Variants in BCAN observed in about 807,000 individuals in gnomAD.
BCAN encodes the protein brevican core protein.
A neutral mutation model predicts 92.4 loss-of-function variants in BCAN; 51 were observed. That is an observed-to-expected ratio of 0.55 (90% confidence interval 0.44 to 0.70). The LOEUF (loss-of-function observed/expected upper bound fraction) is 0.70, where lower values mean the gene tolerates loss of function less well. Ranked by LOEUF, BCAN falls within the 30% of genes least tolerant of loss-of-function variation. The pLI is 0.00. For missense variants in BCAN, 1,140 were observed against 1,212.1 expected, an observed-to-expected ratio of 0.94 and a Z score of 0.88; for synonymous variants, 501 against 505.2, an observed-to-expected ratio of 0.99 and a Z score of 0.11.
At position 156,656,409 on chromosome 1, in the gene BCAN, G is replaced by A. The variant is rs778246595; in HGVS notation, c.2050+20G>A. 66 of 1,341,826 alleles carry A rather than the reference G, an allele frequency of 4.9e-5. No individual in the cohort carries two copies. Among genetic ancestry groups the A allele is most frequent in the Non-Finnish European group, 6.0e-5 (62 of 1,037,884 alleles). The allele number at this position is 1,341,826 out of a possible 1,614,324, so 83.1% of individuals were successfully genotyped here. A position where few individuals can be genotyped will look rare whatever the true frequency, so the allele number is the denominator to read the frequency against. ...ATGTTGGTGAGTGTTGAGGGACGGG[G>A]GGCAGGTTTGAAGCCTGGACCCTGC... On this transcript the variant is annotated intron_variant, in intron 9 of 13. Coordinates refer to ENST00000329117, the MANE Select transcript of BCAN (RefSeq NM_021948.5).
intron 10 of BCAN, chr1:156,657,347 AG>A (rs201034562): frequency 0.02 from 11,997 of 595,346 alleles, 215 homozygotes; most frequent in Middle Eastern, 0.022. Flanking sequence ...GCCGCCGTGC[AG>A]GGGGCCGCCT....
At position 156,652,588 on chromosome 1, in the gene BCAN, C is replaced by T. The variant is rs1305255132; in HGVS notation, c.1638C>T (p.Pro546=). 6.2e-7 allele frequency: 1 copy of T among 1,614,006 alleles called. No homozygotes were observed. The highest frequency in any genetic ancestry group is 8.5e-7 in the Non-Finnish European group (1 of 1,180,002). ...CACCTACTGAGACTCTGCCCACTCCCAGGGAGAGGAACCTAGCATCCCCAT... is the reference window on the plus strand; with the variant it reads ...CACCTACTGAGACTCTGCCCACTCCTAGGGAGAGGAACCTAGCATCCCCAT... ...HGPPTETLPT[P]RERNLASPSP... is the part of the protein sequence containing the mutation. The change falls in exon 8 of 14, where the codon CCC becomes CCT. Residue 546 remains proline (P), a synonymous_variant. Coordinates refer to ENST00000329117, the MANE Select transcript of BCAN (RefSeq NM_021948.5).
intron 6 of BCAN, among the ~76,000 whole-genome samples, chr1:156,651,046 C>T (rs1679144822): frequency 1.3e-5 from 2 of 152,214 alleles, no homozygotes; most frequent in South Asian, 2.1e-4. Context: ...GGCTCCAGCC[C>T]CTCCCCCTAG....
intron 9 of BCAN, 68 bp downstream of exon 9, chr1:156,656,457 G>C (rs1679332463): frequency 2.5e-6 from 3 of 1,209,622 alleles, no homozygotes; most frequent in Non-Finnish European, 2.2e-6. Flanking sequence ...CTTCTGGAGG[G>C]GGGAGGGAGA....
At chr1:156,649,924 A>G (rs1679107030) in intron 6 of BCAN, 1 of 518,928 alleles carries the variant, frequency 1.9e-6, no homozygotes, top group Admixed American at 1.9e-5. Flanking sequence ...GGTCTGAAGG[A>G]TGAAGACACA....
chr1:156,648,309 G>C (rs761905351), intron 5 of BCAN, among the ~76,000 whole-genome samples, 199 bp downstream of exon 5: 4 of 152,120 alleles, frequency 2.6e-5, no homozygotes, highest in Non-Finnish European at 5.9e-5. Flanking sequence ...CAGGCAGCAG[G>C]ATACCGAGTT....
chr1:156,657,122 G>A (rs1042696342), intron 10 of BCAN, 26 bp downstream of exon 10: 1 of 1,603,000 alleles, frequency 6.2e-7, no homozygotes, highest in Non-Finnish European at 8.5e-7. Flanking sequence ...GGGCGGGAGG[G>A]GCCCCTGCCA....
chr1:156,646,730 G>C (rs1678985396), intron 2 of BCAN, 71 bp from the exon 3 acceptor site: 1 of 1,502,642 alleles, frequency 6.7e-7, no homozygotes, highest in Non-Finnish European at 8.9e-7. Context: ...CTGGAGCGGG[G>C]CTTGGAGGCC....
At chr1:156,645,280 A>G (rs1306521186) in intron 1 of BCAN, among the ~76,000 whole-genome samples, 1 of 152,236 alleles carries the variant, frequency 6.6e-6, no homozygotes, top group East Asian at 1.9e-4. Flanking sequence ...CTTTGTCCCA[A>G]CTGATTTCTG....
In BCAN at chr1:156,647,153, C is replaced by T; in HGVS notation, c.444C>T (p.Asp148=). Residue 148 remains aspartate (D), a synonymous_variant, in exon 3 of 14, where the codon GAC becomes GAT. Coordinates refer to ENST00000329117, the MANE Select transcript of BCAN (RefSeq NM_021948.5). This position sits in a 1 kb window ranked among gnomAD's most constrained non-coding sequence, Gnocchi z 4.8. ...AGCACGGCATCGATGACAGCAGCGA[C>T]GCTGTGGAGGTCAAGGTCAAAGGTG... ...EVQHGIDDSS[D]AVEVKVKGVV... 5.3e-6 allele frequency: 7 copies of T among 1,311,552 alleles called. No homozygotes were observed. Among genetic ancestry groups the T allele is most frequent in the South Asian group, 1.2e-5 (1 of 82,568 alleles). 81.2% of individuals were successfully genotyped at this position (1,311,552 alleles called of 1,614,324 possible).
chr1:156,652,600 C>A lies in BCAN; in HGVS notation c.1650C>A (p.Asn550Lys). ...CTCTGCCCACTCCCAGGGAGAGGAACCTAGCATCCCCATCACCTTCCACTC... is the reference window on the plus strand; with the variant it reads ...CTCTGCCCACTCCCAGGGAGAGGAAACTAGCATCCCCATCACCTTCCACTC... Reference protein sequence around the residue: ...TETLPTPRERNLASPSPSTLV... With the variant: ...TETLPTPRERKLASPSPSTLV... Residue 550 changes from asparagine to lysine, a missense_variant, in exon 8 of 14, where the codon AAC becomes AAA. Asn to Lys is a moderately conservative substitution (Grantham distance 94). Around this residue, in one of 3 missense-constraint regions of BCAN, gnomAD observed 825 missense variants for 871.8 expected, o/e 0.95. Coordinates refer to ENST00000329117, the MANE Select transcript of BCAN (RefSeq NM_021948.5). 6.2e-7 allele frequency: 1 copy of A among 1,614,020 alleles called. No homozygotes were observed. Among genetic ancestry groups the A allele is most frequent in the South Asian group, 1.1e-5 (1 of 91,084 alleles).
rs4292954 is a variant in BCAN, at chr1:156,645,179, C to A, written c.-8-868C>A. Among the ~76,000 whole-genome samples the A allele has an allele frequency of 2.3e-4, 35 of 152,204 alleles. No homozygotes were observed. In the South Asian group the frequency reaches 3.3e-3, roughly 14 times the overall value. On this transcript the variant is annotated intron_variant, in intron 1 of 13. Transcript: ENST00000329117. Reference sequence around the variant, plus strand: ...AGCCCCTCCCATTTATTCTCCCCCCCCTTAGTCCACCCTCCAGCCCAAGGC... The same window carrying A: ...AGCCCCTCCCATTTATTCTCCCCCCACTTAGTCCACCCTCCAGCCCAAGGC...
intron 9 of BCAN, chr1:156,656,637 A>C: frequency 2.0e-6 from 1 of 509,588 alleles, no homozygotes; most frequent in Non-Finnish European, 3.5e-6. Flanking sequence ...GGTGGTCAAT[A>C]CATGACAGGC....
Position 156,657,664 on chromosome 1 carries a change from C to T in BCAN, c.2210-11C>T, listed in dbSNP as rs1279259876. ...GGCGGCTGCGCTCACTGCACGCCTT[C>T]GTCTCCCTAGACCGGTACCGGGAGT... On this transcript the variant is annotated splice_polypyrimidine_tract_variant and intron_variant, in intron 10 of 13. Coordinates refer to ENST00000329117, the MANE Select transcript of BCAN (RefSeq NM_021948.5). The T allele has an allele frequency of 6.2e-7, 1 of 1,600,510 alleles. No homozygotes were observed. The highest frequency in any genetic ancestry group is 1.8e-5 in the Admixed American group (1 of 55,578).
At chr1:156,652,954 C>T (rs754812274) in intron 8 of BCAN, 62 bp downstream of exon 8, 87 of 1,592,782 alleles carry the variant, frequency 5.5e-5, no homozygotes, top group Non-Finnish European at 7.4e-5. Context: ...CCCTGCAGCT[C>T]TGGGTCACCT....
chr1:156,657,539 G>A, intron 10 of BCAN, 136 bp from the exon 11 acceptor site: 1 of 655,424 alleles, frequency 1.5e-6, no homozygotes, highest in Non-Finnish European at 2.6e-6. Context: ...CAGAGGCTGG[G>A]GTAGAAGAAC....
Position 156,647,580 on chromosome 1 carries a change from C to A in BCAN, c.539C>A (p.Ala180Asp), listed in dbSNP as rs142437551. 1.2e-6 allele frequency: 2 copies of A among 1,612,608 alleles called. No homozygotes were observed. The highest frequency in any genetic ancestry group is 1.7e-5 in the Admixed American group (1 of 59,804). ...TTTTCTGGGGCCCAGGAGGCCTGTG[C>A]CCGCATTGGAGCCCACATCGCCACC... ...FSFSGAQEACARIGAHIATPE... is the reference protein window; with the variant it reads ...FSFSGAQEACDRIGAHIATPE... Residue 180 changes from alanine (A) to aspartate (D), a missense_variant, in exon 4 of 14, where the codon GCC (alanine) becomes GAC (aspartate). Coordinates refer to ENST00000329117, the MANE Select transcript of BCAN (RefSeq NM_021948.5). This position sits in a 1 kb window ranked among gnomAD's most constrained non-coding sequence, Gnocchi z 4.8.
intron 8 of BCAN, among the ~76,000 whole-genome samples, chr1:156,654,130 G>A (rs1442984793): frequency 6.6e-6 from 1 of 152,196 alleles, no homozygotes; most frequent in Non-Finnish European, 1.5e-5. Flanking sequence ...ACCTAATGCT[G>A]GAGAAGACAC....
chr1:156,646,687 G>T lies in BCAN; in HGVS notation c.92-114G>T, dbSNP rs545728501. ...GGCCCCTGGCCCCTGGTCCTAGGGG[G>T]GCCGGGGAATCCTGGGGCCGGAAGG... is the stretch of plus-strand genomic sequence containing the variant. On this transcript the variant is annotated intron_variant, in intron 2 of 13. Transcript: ENST00000329117. 4.8e-6 allele frequency: 7 copies of T among 1,456,170 alleles called. No individual in the cohort carries two copies. The East Asian group carries it at 7.4e-5, about 15-fold the overall frequency. The allele number at this position is 1,456,170 out of a possible 1,614,324, so 90.2% of individuals were successfully genotyped here.
Sources: gnomAD v4.1 joint callset for allele counts (sites outside exome capture counted in the v4.1 genomes callset) on GRCh38, gnomAD v4.1.1 for gene constraint, gnomAD v4.1.1 regional missense constraint, Gnocchi (gnomAD v3.1) non-coding constraint, MANE v1.5 for transcripts, NCBI Gene and HGNC (gene_info 2026-07-23, HGNC 2026-07-21) for gene names.